HECTD2: variants seen among roughly 807,000 people sequenced by gnomAD.
HECTD2 encodes probable E3 ubiquitin-protein ligase HECTD2.
HECTD2 carries 35 observed loss-of-function variants against 103.2 expected under a neutral mutation model. The observed-to-expected ratio is 0.34, with a 90% CI of 0.26 to 0.45. The LOEUF (loss-of-function observed/expected upper bound fraction) is 0.45. Ranked by LOEUF, HECTD2 falls within the 20% of genes least tolerant of loss-of-function variation. The pLI is 1.00. For missense variants in HECTD2, 596 were observed against 937.4 expected, an observed-to-expected ratio of 0.64 and a Z score of 4.76; for synonymous variants, 281 against 329.9, an observed-to-expected ratio of 0.85 and a Z score of 1.61.
intron 6 of HECTD2, among the ~76,000 whole-genome samples, chr10:91,480,088 A>C (rs143156010): frequency 0.011 from 1,732 of 152,192 alleles, 37 homozygotes; most frequent in African/African-American, 0.039. Flanking sequence ...CAAAAAGATG[A>C]AACCCCTGTT....
At chr10:91,500,477 G>A (rs1427663409) in intron 18 of HECTD2, 25 bp from the exon 19 acceptor site, 1 of 1,064,936 alleles carries the variant, frequency 9.4e-7, no homozygotes. Flanking sequence ...TTTAATTATT[G>A]TTTTTGATAA....
At chr10:91,508,996 T>C (rs1045374500) in intron 20 of HECTD2, among the ~76,000 whole-genome samples, 2 of 151,482 alleles carry the variant, frequency 1.3e-5, no homozygotes, top group African/African-American at 4.9e-5. Context: ...AAATTGGAAA[T>C]CATCATTCTC....
At chr10:91,480,289 G>A (rs1846045478) in intron 6 of HECTD2, among the ~76,000 whole-genome samples, 1 of 152,136 alleles carries the variant, frequency 6.6e-6, no homozygotes, top group Non-Finnish European at 1.5e-5. Context: ...GCTCTAGGTA[G>A]GATAGGAAAG....
At chr10:91,490,781 C>T (rs1031547683) in intron 11 of HECTD2, among the ~76,000 whole-genome samples, 3 of 148,772 alleles carry the variant, frequency 2.0e-5, no homozygotes, top group Admixed American at 1.3e-4. Flanking sequence ...GTCCCAGCTA[C>T]TCGGGAGGCT....
chr10:91,460,629 A>T, intron 3 of HECTD2, 64 bp downstream of exon 3: 2 of 1,454,776 alleles, frequency 1.4e-6, no homozygotes, highest in Non-Finnish European at 1.8e-6. Context: ...ACATAATTTA[A>T]TATCTTTATT....
chr10:91,502,608 T>G (rs982398626), intron 20 of HECTD2, among the ~76,000 whole-genome samples: 5 of 152,084 alleles, frequency 3.3e-5, no homozygotes, highest in African/African-American at 1.2e-4. Context: ...AAATAAATAT[T>G]TACATATATA....
Position 91,513,102 on chromosome 10 carries a change from T to G in HECTD2, c.*718T>G, listed in dbSNP as rs563755988. 1.3e-5 allele frequency: 2 copies of G among 152,764 alleles called. No homozygotes were observed. Among genetic ancestry groups the G allele is most frequent in the Admixed American group, 1.3e-4 (2 of 15,298 alleles). 9.5% of individuals were successfully genotyped at this position (152,764 alleles called of 1,614,324 possible). ...CAGACTAATTGGATTCAAGGTTATA[T>G]TCTTTTAAGTGTTGTTAGTCTGCAT... On this transcript the variant is annotated 3_prime_UTR_variant, in exon 21 of 21. Coordinates refer to ENST00000298068, the MANE Select transcript of HECTD2 (RefSeq NM_182765.6).
intron 18 of HECTD2, among the ~76,000 whole-genome samples, chr10:91,499,588 A>G (rs181897888): frequency 2.0e-5 from 3 of 152,282 alleles, no homozygotes; most frequent in Admixed American, 2.0e-4. Context: ...ACCCTTAGCA[A>G]GTAGTTTATC....
chr10:91,499,811 G>A (rs1846823254), intron 18 of HECTD2, among the ~76,000 whole-genome samples: 1 of 152,150 alleles, frequency 6.6e-6, no homozygotes, highest in Admixed American at 6.5e-5. Flanking sequence ...ATTTTTCATG[G>A]GAGAGAGAAA....
At chr10:91,493,622 T>G in intron 14 of HECTD2, 114 bp downstream of exon 14, 1 of 564,012 alleles carries the variant, frequency 1.8e-6, no homozygotes. Context: ...TAAATGTTAT[T>G]GTCAAATGTA....
intron 2 of HECTD2, among the ~76,000 whole-genome samples, chr10:91,456,825 A>T (rs1249744121): frequency 6.6e-6 from 1 of 152,140 alleles, no homozygotes; most frequent in Non-Finnish European, 1.5e-5. Context: ...AAATCAACCG[A>T]AAGCAAGCAG....
chr10:91,430,514 A>G (rs548596403), intron 2 of HECTD2, among the ~76,000 whole-genome samples: 14 of 152,254 alleles, frequency 9.2e-5, no homozygotes, highest in African/African-American at 2.9e-4. Context: ...GTGGGAGTCT[A>G]AGTCTCTTTG....
At chr10:91,471,082 T>C (rs1258888043) in intron 5 of HECTD2, among the ~76,000 whole-genome samples, 2 of 152,038 alleles carry the variant, frequency 1.3e-5, no homozygotes, top group Non-Finnish European at 2.9e-5. Flanking sequence ...TGCAAAATAC[T>C]AGCAAACTGA....
chr10:91,475,074 A>T (rs983302045), intron 5 of HECTD2, among the ~76,000 whole-genome samples: 2 of 152,220 alleles, frequency 1.3e-5, no homozygotes, highest in Non-Finnish European at 2.9e-5. Flanking sequence ...GAGACTGCAT[A>T]TGACCATGCA....
At chr10:91,500,449 C>T in intron 18 of HECTD2, 53 bp from the exon 19 acceptor site, 1 of 727,270 alleles carries the variant, frequency 1.4e-6, no homozygotes, top group Non-Finnish European at 2.4e-6. Flanking sequence ...GTTCCAGTTT[C>T]ACTTAAAACC....
Position 91,410,351 on chromosome 10 carries a change from T to A in HECTD2, c.-88T>A. On this transcript the variant is annotated 5_prime_UTR_variant, in exon 1 of 21. Transcript: ENST00000298068. ...GGCTAGAAGCGGCAGCCCAGAGCCC[T>A]CTCGCGGCCGCGGCGGCAGCAGCAG... 1.2e-6 allele frequency: 1 copy of A among 843,020 alleles called. No individual in the cohort carries two copies. The highest frequency in any genetic ancestry group is 1.5e-6 in the Non-Finnish European group (1 of 651,578). The allele number at this position is 843,020 out of a possible 1,614,324, so 52.2% of individuals were successfully genotyped here. A position where few individuals can be genotyped will look rare whatever the true frequency, so the allele number is the denominator to read the frequency against.
intron 7 of HECTD2, among the ~76,000 whole-genome samples, chr10:91,482,360 C>T (rs1034043597): frequency 2.6e-5 from 4 of 151,786 alleles, no homozygotes; most frequent in South Asian, 2.1e-4. Flanking sequence ...TAACTAAAGG[C>T]TTTTCTTAGT....
chr10:91,497,398 C>A (rs7100516), intron 15 of HECTD2, among the ~76,000 whole-genome samples: 10,768 of 146,972 alleles, frequency 0.073, 798 homozygotes, highest in African/African-American at 0.18. Context: ...CCGAGCAATT[C>A]TCCTGCCTCA....
At chr10:91,422,627 A>C (rs995176216) in intron 1 of HECTD2, among the ~76,000 whole-genome samples, 4 of 152,206 alleles carry the variant, frequency 2.6e-5, no homozygotes, top group African/African-American at 4.8e-5. Flanking sequence ...TAACCTGTTT[A>C]TATTTCATTT....
Sources: allele counts gnomAD v4.1 joint callset (sites outside exome capture counted in the v4.1 genomes callset), GRCh38; gene constraint gnomAD v4.1.1; transcripts MANE v1.5; gene names NCBI Gene and HGNC (gene_info 2026-07-23, HGNC 2026-07-21).